ACOT12: variants seen among roughly 807,000 people sequenced by gnomAD.
The protein encoded by ACOT12 is acyl-CoA thioesterase 12.
A neutral mutation model predicts 67.7 loss-of-function variants in ACOT12; 51 were observed. The observed-to-expected ratio is 0.75, with a 90% CI of 0.60 to 0.95. ACOT12 has a LOEUF of 0.95. Among genes scored for constraint, ACOT12 ranks in the 40% least tolerant of loss-of-function variants. ACOT12 has a pLI of 0.00. For missense variants in ACOT12, 734 were observed against 708.1 expected, an observed-to-expected ratio of 1.04 and a Z score of -0.41; for synonymous variants, 251 against 244.6, an observed-to-expected ratio of 1.03 and a Z score of -0.24.
intron 2 of ACOT12, among the ~76,000 whole-genome samples, chr5:81,376,143 C>T (rs1440976881): frequency 6.6e-6 from 1 of 152,148 alleles, no homozygotes; most frequent in Non-Finnish European, 1.5e-5. Context: ...AACAGTCTCT[C>T]AGACCACAGT....
intron 11 of ACOT12, among the ~76,000 whole-genome samples, chr5:81,337,099 C>G (rs951707948): frequency 6.6e-6 from 1 of 152,180 alleles, no homozygotes; most frequent in Non-Finnish European, 1.5e-5. Context: ...GCATGCCTAA[C>G]TTTGCCCCCA....
chr5:81,325,958 C>A (rs938467319), downstream of ACOT12, among the ~76,000 whole-genome samples: 2 of 151,726 alleles, frequency 1.3e-5, no homozygotes, highest in African/African-American at 4.8e-5. Context: ...TACAGGCATG[C>A]ACCACCATGC....
chr5:81,378,709 G>T (rs929623791), intron 2 of ACOT12, among the ~76,000 whole-genome samples: 1 of 152,286 alleles, frequency 6.6e-6, no homozygotes, highest in Middle Eastern at 3.4e-3. Flanking sequence ...AGATATTTAT[G>T]CTGCCAACAA....
At chr5:81,325,644 C>G (rs115964127), downstream of ACOT12, among the ~76,000 whole-genome samples, 2,292 of 152,008 alleles carry the variant, frequency 0.015, 46 homozygotes, top group African/African-American at 0.052. Context: ...CCAAAATATC[C>G]CTAAATTGGA....
intron 13 of ACOT12, 28 bp from the exon 14 acceptor site, chr5:81,330,968 G>T: frequency 6.4e-7 from 1 of 1,560,074 alleles, no homozygotes; most frequent in Non-Finnish European, 8.7e-7. Context: ...CTAAGCTCTT[G>T]TGAGAAATAA....
chr5:81,313,891 A>G, the ACOT12 span, among the ~76,000 whole-genome samples: 1 of 152,212 alleles, frequency 6.6e-6, no homozygotes, highest in African/African-American at 2.4e-5. Context: ...AATGAGTGCT[A>G]TTTAGAAGGA....
At chr5:81,342,475 G>T (rs1759227431) in intron 11 of ACOT12, among the ~76,000 whole-genome samples, 197 bp downstream of exon 11, 1 of 152,180 alleles carries the variant, frequency 6.6e-6, no homozygotes, top group South Asian at 2.1e-4. Flanking sequence ...GTAGGAGCAT[G>T]TTGGGTATAT....
intron 2 of ACOT12, among the ~76,000 whole-genome samples, chr5:81,373,689 GC>G (rs1213321413): frequency 6.6e-6 from 1 of 152,142 alleles, no homozygotes; most frequent in African/African-American, 2.4e-5. Context: ...GAGGGGAGGG[GC>G]GTCCACCATT....
At chr5:81,381,233 A>T (rs1760575675) in intron 2 of ACOT12, among the ~76,000 whole-genome samples, 1 of 151,820 alleles carries the variant, frequency 6.6e-6, no homozygotes, top group African/African-American at 2.4e-5. Context: ...CACCCAGCTA[A>T]TTTTTTCTAT....
At chr5:81,321,205 A>C in the ACOT12 span, among the ~76,000 whole-genome samples, 1 of 152,216 alleles carries the variant, frequency 6.6e-6, no homozygotes, top group Admixed American at 6.5e-5. Context: ...GCAGTAAGCT[A>C]AGATCGCACC....
At chr5:81,309,112 C>A in the ACOT12 span, 1 of 1,120,550 alleles carries the variant, frequency 8.9e-7, no homozygotes, top group South Asian at 1.6e-5. Flanking sequence ...CACTCAATCA[C>A]AGTTCTTGAA....
chr5:81,342,889 A>T, intron 10 of ACOT12, 134 bp from the exon 11 acceptor site: 6 of 910,906 alleles, frequency 6.6e-6, no homozygotes, highest in East Asian at 2.8e-5. Context: ...TGAGTTTAGA[A>T]CTAAACTACA....
chr5:81,343,840 A>G lies in ACOT12; in HGVS notation c.1022T>C (p.Ile341Thr), dbSNP rs775615174. ...CACCTGCTTGCTGATATCCCAGTGTATGCAAAGTGGAACCTCTTCTTTGTG... is the reference window on the plus strand; with the variant it reads ...CACCTGCTTGCTGATATCCCAGTGTGTGCAAAGTGGAACCTCTTCTTTGTG... ...ISHKEEVPLC[I>T]HWDISKQASL... The change falls in exon 10 of 15, where the codon ATA (isoleucine) becomes ACA (threonine). Residue 341 changes from isoleucine (I) to threonine (T), a missense_variant. Ile to Thr is a moderately conservative substitution (Grantham distance 89, BLOSUM62 -1). Coordinates refer to ENST00000307624, the MANE Select transcript of ACOT12 (RefSeq NM_130767.3). 28 of 1,613,582 alleles carry G rather than the reference A, an allele frequency of 1.7e-5. No homozygotes were observed. In the Middle Eastern group the frequency reaches 4.9e-4, roughly 28 times the overall value.
intron 3 of ACOT12, among the ~76,000 whole-genome samples, chr5:81,370,161 C>T (rs1009931685): frequency 1.3e-5 from 2 of 152,108 alleles, no homozygotes; most frequent in African/African-American, 4.8e-5. Context: ...GTAATCCCAG[C>T]TACTCGGGAG....
At chr5:81,370,186 A>C (rs544000675) in intron 3 of ACOT12, among the ~76,000 whole-genome samples, 123 of 152,246 alleles carry the variant, frequency 8.1e-4, no homozygotes, top group African/African-American at 2.9e-3. Context: ...AGGCAGGAGA[A>C]TCACTTGAAC....
chr5:81,321,993 T>G, the ACOT12 span, among the ~76,000 whole-genome samples: 2 of 150,492 alleles, frequency 1.3e-5, no homozygotes, highest in South Asian at 4.1e-4. Flanking sequence ...AAGATGAATC[T>G]AAAGAAATTC....
At chr5:81,385,955 G>T in intron 1 of ACOT12, 129 bp from the exon 2 acceptor site, 1 of 766,916 alleles carries the variant, frequency 1.3e-6, no homozygotes, top group Non-Finnish European at 2.1e-6. Context: ...GCACCACTGT[G>T]CCTACACTTT....
Position 81,330,500 on chromosome 5 carries a change from A to G in ACOT12, c.1562T>C (p.Phe521Ser), listed in dbSNP as rs753609339. 4.3e-6 allele frequency: 7 copies of G among 1,614,052 alleles called. No individual in the cohort carries two copies. The highest frequency in any genetic ancestry group is 2.5e-6 in the Non-Finnish European group (3 of 1,180,012). Residue 521 changes from phenylalanine (F) to serine (S), a missense_variant, in exon 15 of 15, where the codon TTT becomes TCT. Transcript: ENST00000307624. Reference sequence around the variant, plus strand: ...TGACCAGCCACCAAGATTTCCAGCAAAGTAAGGAAGGATGCTAGCAGACAT... The same window carrying G: ...TGACCAGCCACCAAGATTTCCAGCAGAGTAAGGAAGGATGCTAGCAGACAT... ...NHMSASILPY[F>S]AGNLGGWSKS...
chr5:81,390,685 G>T (rs1024844715), intron 1 of ACOT12, among the ~76,000 whole-genome samples: 3 of 148,864 alleles, frequency 2.0e-5, no homozygotes, highest in African/African-American at 7.4e-5. Context: ...TGTATTTTTA[G>T]TAGACAGGGT....
Sources: allele counts gnomAD v4.1 joint callset (sites outside exome capture counted in the v4.1 genomes callset), GRCh38; gene constraint gnomAD v4.1.1; transcripts MANE v1.5; gene names NCBI Gene and HGNC (gene_info 2026-07-23, HGNC 2026-07-21).